The following KALRN variants were observed in gnomAD, a reference collection of about 807,000 sequenced individuals.
KALRN encodes kalirin RhoGEF kinase.
A neutral mutation model predicts 353.7 loss-of-function variants in KALRN; 70 were observed. That is an observed-to-expected ratio of 0.20 (90% CI 0.16 to 0.24). The LOEUF (loss-of-function observed/expected upper bound fraction) is 0.24. KALRN is among the 10% of genes least tolerant of loss of function. The pLI is 1.00. For synonymous variants in KALRN, 1,391 were observed against 1,434.8 expected (o/e 0.97, Z 0.69); for missense variants, 2,791 against 3,756.7 (o/e 0.74, Z 6.72).
At chr3:124,375,634 T>C (rs780801456) in intron 10 of KALRN, among the ~76,000 whole-genome samples, 4 of 152,244 alleles carry the variant, frequency 2.6e-5, no homozygotes, top group Non-Finnish European at 4.4e-5. Flanking sequence ...AATTATACCT[T>C]GTAACTAGTA....
chr3:124,189,997 G>A (rs938907970), intron 1 of KALRN, among the ~76,000 whole-genome samples: 2 of 150,468 alleles, frequency 1.3e-5, no homozygotes, highest in Non-Finnish European at 2.9e-5. Context: ...TTTAAACAGA[G>A]CTTCACAGTT....
chr3:124,580,937 G>A (rs2074566471), intron 34 of KALRN, among the ~76,000 whole-genome samples: 1 of 119,948 alleles, frequency 8.3e-6, no homozygotes, highest in African/African-American at 2.9e-5. Flanking sequence ...GCAAAACCCT[G>A]TCTCTATTAA....
In KALRN at chr3:124,455,223, T is replaced by C; in HGVS notation, c.3599T>C (p.Phe1200Ser). Residue 1200 changes from phenylalanine (F) to serine (S), a missense_variant, in exon 22 of 60, where the codon TTT becomes TCT. Around this residue, in one of 11 missense-constraint regions of KALRN, gnomAD observed 268 missense variants for 347.0 expected, o/e 0.77. Coordinates refer to ENST00000682506, the MANE Select transcript of KALRN (RefSeq NM_001388419.1). The stretch of plus-strand genomic sequence containing the variant: ...CTTCTGATTCAGCTGGCCGATAGCT[T>C]TGTGGAAAAAGGCCACATTCATGCC... ...VKLLIQLADS[F>S]VEKGHIHATE... is the part of the protein sequence containing the mutation. The C allele has an allele frequency of 1.2e-6, 2 of 1,614,146 alleles. No individual in the cohort carries two copies. Among genetic ancestry groups the C allele is most frequent in the African/African-American group, 1.3e-5 (1 of 75,032 alleles).
chr3:124,303,978 C>T (rs2077470272), intron 6 of KALRN, among the ~76,000 whole-genome samples: 1 of 152,136 alleles, frequency 6.6e-6, no homozygotes, highest in African/African-American at 2.4e-5. Context: ...TCTCCCAACT[C>T]TAATCTCCCA....
intron 1 of KALRN, among the ~76,000 whole-genome samples, chr3:124,177,427 A>G (rs993644973): frequency 1.9e-4 from 29 of 152,276 alleles, no homozygotes; most frequent in African/African-American, 7.0e-4. Context: ...TTTACCTCCT[A>G]GAACAGTGAC....
chr3:124,483,799 A>G (rs886929752), intron 28 of KALRN, among the ~76,000 whole-genome samples: 1 of 152,194 alleles, frequency 6.6e-6, no homozygotes, highest in Non-Finnish European at 1.5e-5. Context: ...TTCCTTCAAA[A>G]TCTTATCTTT....
At chr3:124,582,506 G>A (rs1230490009) in intron 34 of KALRN, among the ~76,000 whole-genome samples, 2 of 152,148 alleles carry the variant, frequency 1.3e-5, no homozygotes, top group Non-Finnish European at 2.9e-5. Context: ...CCAAAGGGGT[G>A]AAGCTTTTTA....
chr3:124,541,935 T>C (rs1212684552), intron 33 of KALRN, among the ~76,000 whole-genome samples: 1 of 151,610 alleles, frequency 6.6e-6, no homozygotes, highest in Non-Finnish European at 1.5e-5. Flanking sequence ...CAGGCCGAGA[T>C]GGTGCCACTG....
At chr3:124,052,509 A>G (rs1297945006) in intron 1 of KALRN, among the ~76,000 whole-genome samples, 1 of 152,038 alleles carries the variant, frequency 6.6e-6, no homozygotes, top group Non-Finnish European at 1.5e-5. Context: ...CTTGCATCAG[A>G]TAGAGAAGAT....
At chr3:124,151,545 C>T (rs2068106817) in intron 1 of KALRN, among the ~76,000 whole-genome samples, 1 of 152,064 alleles carries the variant, frequency 6.6e-6, no homozygotes, top group Non-Finnish European at 1.5e-5. Context: ...ATTGAATTAT[C>T]TGCCTTTTTC....
intron 59 of KALRN, among the ~76,000 whole-genome samples, chr3:124,718,411 G>A (rs1025915580): frequency 1.6e-4 from 25 of 152,116 alleles, no homozygotes; most frequent in African/African-American, 5.3e-4. Flanking sequence ...GTGAGCCACC[G>A]TGCCCGGCCT....
intron 13 of KALRN, among the ~76,000 whole-genome samples, chr3:124,408,565 G>A (rs2091831692): frequency 6.6e-6 from 1 of 152,140 alleles, no homozygotes; most frequent in South Asian, 2.1e-4. Flanking sequence ...CATAATAAAT[G>A]CACAATACAA....
At chr3:124,355,263 TA>T (rs1560658152) in intron 10 of KALRN, among the ~76,000 whole-genome samples, 1 of 152,202 alleles carries the variant, frequency 6.6e-6, no homozygotes, top group East Asian at 1.9e-4. Flanking sequence ...TGAGTGATAA[TA>T]TAAATTAAAA....
chr3:124,434,121 A>C (rs766638774), intron 16 of KALRN, among the ~76,000 whole-genome samples, 186 bp from the exon 17 acceptor site: 1 of 152,246 alleles, frequency 6.6e-6, no homozygotes, highest in Non-Finnish European at 1.5e-5. Flanking sequence ...GCTAATAAAA[A>C]TGTATGATAT....
chr3:124,621,774 G>T (rs2079299843), intron 34 of KALRN, among the ~76,000 whole-genome samples: 1 of 152,352 alleles, frequency 6.6e-6, no homozygotes, highest in East Asian at 1.9e-4. Context: ...ATAGCCTCAG[G>T]ACCTCAGCTG....
intron 49 of KALRN, among the ~76,000 whole-genome samples, chr3:124,676,915 G>A (rs2087257593): frequency 1.3e-5 from 2 of 152,180 alleles, no homozygotes; most frequent in Admixed American, 6.5e-5. Flanking sequence ...AGATACAAGA[G>A]TTTTTGAAGG....
intron 10 of KALRN, among the ~76,000 whole-genome samples, chr3:124,373,295 C>T (rs138992870): frequency 1.3e-5 from 2 of 152,250 alleles, no homozygotes; most frequent in African/African-American, 4.8e-5. Context: ...CCGACTTCTA[C>T]CCCACCTGGA....
At chr3:124,679,419 T>C in intron 50 of KALRN, 39 bp from the exon 51 acceptor site, 1 of 1,575,274 alleles carries the variant, frequency 6.3e-7, no homozygotes, top group Non-Finnish European at 8.7e-7. Flanking sequence ...GTTCTAACTG[T>C]GTTCTCTTTC....
At chr3:124,302,867 ACCT>A (rs1394581702) in intron 6 of KALRN, among the ~76,000 whole-genome samples, 2 of 152,212 alleles carry the variant, frequency 1.3e-5, no homozygotes, top group South Asian at 2.1e-4. Context: ...GTATGTCTTA[ACCT>A]CCTCTTTTTA....
Sources: gnomAD v4.1 joint callset for allele counts (sites outside exome capture counted in the v4.1 genomes callset) on GRCh38, gnomAD v4.1.1 for gene constraint, gnomAD v4.1.1 regional missense constraint, MANE v1.5 for transcripts, NCBI Gene and HGNC (gene_info 2026-07-23, HGNC 2026-07-21) for gene names.